Variants in VPS41 observed in about 807,000 individuals in gnomAD.
The protein encoded by VPS41 is VPS41 subunit of HOPS complex.
A neutral mutation model predicts 130.9 loss-of-function variants in VPS41; 85 were observed. The ratio of observed to expected loss-of-function variants is 0.65; its 90% CI spans 0.55 to 0.78. The LOEUF is 0.78. VPS41 is among the 30% of genes least tolerant of loss of function. The probability of loss-of-function intolerance (pLI) is 0.00; values close to 1 mark genes in which losing one functional copy is unlikely to be tolerated. For synonymous variants in VPS41, 335 were observed against 332.9 expected (o/e 1.01, Z -0.07); for missense variants, 874 against 1,018.7 (o/e 0.86, Z 1.93).
At chr7:38,895,547 C>T (rs570098286) in intron 2 of VPS41, among the ~76,000 whole-genome samples, 1 of 152,242 alleles carries the variant, frequency 6.6e-6, no homozygotes, top group Non-Finnish European at 1.5e-5. Context: ...TCCTGGATAG[C>T]AGTAACAGAC....
Position 38,745,652 on chromosome 7 carries a change from C to G in VPS41, c.1927-39G>C. Reference sequence around the variant, plus strand: ...AGGGTAAAAATGTTACTATAGGCGACCAAATAAGAACAAACAGTAATAAAG... The same window carrying G: ...AGGGTAAAAATGTTACTATAGGCGAGCAAATAAGAACAAACAGTAATAAAG... On this transcript the variant is annotated intron_variant, in intron 22 of 28. Coordinates refer to ENST00000310301, the MANE Select transcript of VPS41 (RefSeq NM_014396.4). 2.7e-6 allele frequency: 4 copies of G among 1,475,454 alleles called. No individual in the cohort carries two copies. In the African/African-American group the frequency reaches 5.7e-5, roughly 21 times the overall value. The allele number at this position is 1,475,454 out of a possible 1,614,324, so 91.4% of individuals were successfully genotyped here.
At chr7:38,785,133 G>C (rs1784417486) in intron 10 of VPS41, among the ~76,000 whole-genome samples, 1 of 152,154 alleles carries the variant, frequency 6.6e-6, no homozygotes, top group Non-Finnish European at 1.5e-5. Context: ...CCAGATATTA[G>C]TATTTTATAA....
At chr7:38,726,472 A>T in intron 28 of VPS41, 146 bp from the exon 29 acceptor site, 6 of 659,138 alleles carry the variant, frequency 9.1e-6, no homozygotes, top group Non-Finnish European at 1.6e-5. Context: ...TTTCTGGTTA[A>T]CATAGGATTT....
chr7:38,794,186 T>C (rs1784580314), intron 9 of VPS41, among the ~76,000 whole-genome samples: 1 of 152,144 alleles, frequency 6.6e-6, no homozygotes, highest in African/African-American at 2.4e-5. Flanking sequence ...ATTTTTAAAA[T>C]ACTAAGAATA....
chr7:38,867,968 A>T (rs1379962871), intron 3 of VPS41, among the ~76,000 whole-genome samples: 2 of 152,224 alleles, frequency 1.3e-5, no homozygotes, highest in African/African-American at 4.8e-5. Flanking sequence ...GAATGAAAGG[A>T]TTAGAGATCA....
chr7:38,757,001 T>C lies in VPS41; in HGVS notation c.1551-19A>G, dbSNP rs1783808357. ...GGTGTACCTGGTAATACAAATTTTT[T>C]ACATTAATATTCATCAACAGTTCTA... On this transcript the variant is annotated intron_variant, in intron 18 of 28. Transcript: ENST00000310301. 5 of 1,556,304 alleles carry C rather than the reference T, an allele frequency of 3.2e-6. No homozygotes were observed. The highest frequency in any genetic ancestry group is 2.3e-5 in the South Asian group (2 of 88,628).
At chr7:38,799,416 G>A (rs1784683117) in intron 7 of VPS41, among the ~76,000 whole-genome samples, 1 of 152,038 alleles carries the variant, frequency 6.6e-6, no homozygotes, top group South Asian at 2.1e-4. Context: ...CTTTGAAAAT[G>A]AGAAATACTA....
In VPS41 at chr7:38,795,706, A is replaced by T. The variant is rs75754084; in HGVS notation, c.571-95T>A. The T allele has an allele frequency of 8.5e-4, 966 of 1,134,252 alleles. 13 individuals are homozygous for T. In the African/African-American group the frequency reaches 0.013, roughly 16 times the overall value. The allele number at this position is 1,134,252 out of a possible 1,614,324, so 70.3% of individuals were successfully genotyped here. On this transcript the variant is annotated intron_variant, in intron 8 of 28. Transcript: ENST00000310301. ...CTGCTACATACTACCAATAACCAGC[A>T]CGGAGAAATATTAGCAGTGTTTACT...
At chr7:38,886,041 T>A (rs1786723947) in intron 2 of VPS41, among the ~76,000 whole-genome samples, 1 of 151,844 alleles carries the variant, frequency 6.6e-6, no homozygotes. Context: ...ACTTCCAAGA[T>A]GGCCAAACAG....
chr7:38,789,751 A>C, intron 10 of VPS41, 50 bp downstream of exon 10: 1 of 1,601,080 alleles, frequency 6.2e-7, no homozygotes, highest in Non-Finnish European at 8.6e-7. Flanking sequence ...TGAAGACGAA[A>C]ATTTTGAATG....
intron 4 of VPS41, among the ~76,000 whole-genome samples, chr7:38,830,721 T>C (rs532413388): frequency 1.3e-5 from 2 of 152,170 alleles, no homozygotes; most frequent in Non-Finnish European, 2.9e-5. Context: ...CATTTTGACA[T>C]GGAGGATGAG....
At chr7:38,854,323 T>C (rs772726127) in intron 4 of VPS41, among the ~76,000 whole-genome samples, 1 of 152,164 alleles carries the variant, frequency 6.6e-6, no homozygotes, top group Non-Finnish European at 1.5e-5. Context: ...ATACTACAGA[T>C]GGTATTTGCT....
intron 7 of VPS41, among the ~76,000 whole-genome samples, chr7:38,809,869 T>C (rs1784909421): frequency 6.6e-6 from 1 of 151,950 alleles, no homozygotes; most frequent in Non-Finnish European, 1.5e-5. Flanking sequence ...TGTTCAAAAG[T>C]AAAGGTCCTA....
intron 4 of VPS41, among the ~76,000 whole-genome samples, chr7:38,859,300 A>G (rs1241024032): frequency 3.3e-5 from 5 of 152,142 alleles, no homozygotes; most frequent in Non-Finnish European, 7.4e-5. Context: ...GAGAAAGAAA[A>G]TGTTTAAATA....
At chr7:38,781,440 T>C (rs1187791254) in intron 10 of VPS41, among the ~76,000 whole-genome samples, 1 of 152,226 alleles carries the variant, frequency 6.6e-6, no homozygotes, top group African/African-American at 2.4e-5. Context: ...TCATTATGGG[T>C]CACTATTTTC....
At chr7:38,782,135 T>C (rs1784364787) in intron 10 of VPS41, among the ~76,000 whole-genome samples, 1 of 152,206 alleles carries the variant, frequency 6.6e-6, no homozygotes, top group South Asian at 2.1e-4. Context: ...CCTGTCTCAT[T>C]CAGGCTTTAT....
chr7:38,856,072 G>A (rs1785976399), intron 4 of VPS41, among the ~76,000 whole-genome samples: 1 of 152,062 alleles, frequency 6.6e-6, no homozygotes, highest in South Asian at 2.1e-4. Flanking sequence ...GGGGAGGAAG[G>A]GAAGGTCTCT....
chr7:38,799,022 C>G (rs1435486974), intron 7 of VPS41, among the ~76,000 whole-genome samples: 3 of 151,976 alleles, frequency 2.0e-5, no homozygotes, highest in African/African-American at 7.2e-5. Context: ...GGGGCAGGAA[C>G]GAAGGGGAGT....
intron 25 of VPS41, among the ~76,000 whole-genome samples, chr7:38,732,744 T>C (rs1004958886): frequency 3.3e-5 from 5 of 152,220 alleles, no homozygotes; most frequent in African/African-American, 1.2e-4. Flanking sequence ...ACACTAGCAT[T>C]CCATAAGGAA....
Sources: allele counts gnomAD v4.1 joint callset (sites outside exome capture counted in the v4.1 genomes callset), GRCh38; gene constraint gnomAD v4.1.1; transcripts MANE v1.5; gene names NCBI Gene and HGNC (gene_info 2026-07-23, HGNC 2026-07-21).